The following ZFAND3 variants were observed in gnomAD, a reference collection of about 807,000 sequenced individuals.
ZFAND3 encodes the protein zinc finger AN1-type containing 3, also known as AN1-type zinc finger protein 3.
A neutral mutation model predicts 29.6 loss-of-function variants in ZFAND3; 10 were observed. That is an observed-to-expected ratio of 0.34 (90% CI 0.21 to 0.57). ZFAND3 has a LOEUF of 0.57. ZFAND3 is among the 20% of genes least tolerant of loss of function. The pLI is 0.86. For synonymous variants in ZFAND3, 128 were observed against 112.6 expected, an observed-to-expected ratio of 1.14 and a Z score of -0.87; for missense variants, 230 against 304.5, an observed-to-expected ratio of 0.76 and a Z score of 1.82.
chr6:37,925,321 A>G (rs1761463239), intron 1 of ZFAND3, among the ~76,000 whole-genome samples: 1 of 152,174 alleles, frequency 6.6e-6, no homozygotes, highest in African/African-American at 2.4e-5. Flanking sequence ...GAAGGAGAGG[A>G]ATACATAGAT....
chr6:37,884,494 CAAAAAAAAAAAAA>C (rs58015486), intron 1 of ZFAND3, among the ~76,000 whole-genome samples: 1 of 53,844 alleles, frequency 1.9e-5, no homozygotes. Context: ...AACTCTAGCT[CAAAAAAAAAAAAA>C]AAAAAAAAAA....
At chr6:38,120,399 C>G (rs1297145090) in intron 5 of ZFAND3, among the ~76,000 whole-genome samples, 1 of 135,704 alleles carries the variant, frequency 7.4e-6, no homozygotes, top group Non-Finnish European at 1.5e-5. Flanking sequence ...GATCTCAGCT[C>G]ACTGCAACCT....
At chr6:37,987,956 G>A (rs1262795228) in intron 2 of ZFAND3, among the ~76,000 whole-genome samples, 1 of 152,128 alleles carries the variant, frequency 6.6e-6, no homozygotes, top group East Asian at 1.9e-4. Flanking sequence ...TAAATTCTGA[G>A]TTTCTCAGGC....
intron 1 of ZFAND3, among the ~76,000 whole-genome samples, chr6:37,889,362 A>G (rs1460241579): frequency 1.3e-5 from 2 of 152,196 alleles, no homozygotes; most frequent in African/African-American, 4.8e-5. Context: ...CCACATCATC[A>G]ATTGTGTGCC....
intron 2 of ZFAND3, among the ~76,000 whole-genome samples, chr6:38,059,735 G>A (rs990171997): frequency 6.6e-6 from 1 of 151,970 alleles, no homozygotes; most frequent in African/African-American, 2.4e-5. Context: ...AAATTAGCCG[G>A]GTGTGGTGGT....
At chr6:37,964,276 C>T (rs1762252985) in intron 2 of ZFAND3, among the ~76,000 whole-genome samples, 1 of 152,128 alleles carries the variant, frequency 6.6e-6, no homozygotes, top group Non-Finnish European at 1.5e-5. Flanking sequence ...TATCACATGA[C>T]TACCCTACCA....
intron 1 of ZFAND3, among the ~76,000 whole-genome samples, chr6:37,846,714 T>G (rs552754875): frequency 1.0e-3 from 156 of 151,838 alleles, no homozygotes; most frequent in East Asian, 2.1e-3. Context: ...ATTTTTTTTT[T>G]TTTGTTTTTT....
chr6:38,122,369 G>C (rs562865316), intron 5 of ZFAND3, among the ~76,000 whole-genome samples: 4 of 152,212 alleles, frequency 2.6e-5, no homozygotes, highest in Non-Finnish European at 5.9e-5. Flanking sequence ...GAAAAAACCT[G>C]TGTCAGTGCA....
chr6:38,116,578 A>T lies in ZFAND3; in HGVS notation c.368A>T (p.Gln123Leu). ...AATATGTTGTTTTGGTCAGATTCAC[A>T]GTCTGAGAATGAGGCTTCACCAGTA... ...PTKRSCGTDSQSENEASPVKR... is the reference protein window; with the variant it reads ...PTKRSCGTDSLSENEASPVKR... Residue 123 changes from glutamine to leucine, a missense_variant, in exon 5 of 6, where the codon CAG becomes CTG. Gln to Leu is a moderately radical substitution (Grantham distance 113, BLOSUM62 -2). Transcript: ENST00000287218. The T allele has an allele frequency of 6.2e-7, 1 of 1,609,770 alleles. No homozygotes were observed. The highest frequency in any genetic ancestry group is 8.5e-7 in the Non-Finnish European group (1 of 1,176,524).
At chr6:37,853,946 T>TA (rs369282189) in intron 1 of ZFAND3, among the ~76,000 whole-genome samples, 3,627 of 152,204 alleles carry the variant, frequency 0.024, 164 homozygotes, top group African/African-American at 0.081. Flanking sequence ...TTTGCCTTTT[T>TA]AAAAAATTTT....
rs540678525 is a variant in ZFAND3, at chr6:37,899,188, C to A, written c.72-30771C>A. 5.1e-4 allele frequency among the ~76,000 whole-genome samples: 78 copies of A among 152,322 alleles called. No individual in the cohort carries two copies. In the Middle Eastern group the frequency reaches 0.01, roughly 20 times the overall value. On this transcript the variant is annotated intron_variant, in intron 1 of 5. Coordinates refer to ENST00000287218, the MANE Select transcript of ZFAND3 (RefSeq NM_021943.3). ...TGCTGGGATTTACAGGCATGAGCCA[C>A]CACACCTGGCCATTCGTTTCTGATT...
chr6:38,000,156 A>C (rs1762920186), intron 2 of ZFAND3, among the ~76,000 whole-genome samples: 2 of 152,220 alleles, frequency 1.3e-5, no homozygotes, highest in South Asian at 4.1e-4. Context: ...ATACCAAACA[A>C]ACCAAAAAAC....
intron 1 of ZFAND3, among the ~76,000 whole-genome samples, chr6:37,927,765 C>G (rs1422292431): frequency 6.6e-6 from 1 of 152,216 alleles, no homozygotes; most frequent in Non-Finnish European, 1.5e-5. Context: ...CATAGACATT[C>G]TCACAAACCA....
At chr6:38,007,658 A>G (rs993205705) in intron 2 of ZFAND3, among the ~76,000 whole-genome samples, 3 of 152,220 alleles carry the variant, frequency 2.0e-5, no homozygotes, top group South Asian at 2.1e-4. Context: ...ATTTAAAACT[A>G]TGGTATTAGC....
intron 4 of ZFAND3, among the ~76,000 whole-genome samples, chr6:38,100,443 A>G (rs981797914): frequency 6.6e-6 from 1 of 152,196 alleles, no homozygotes; most frequent in Non-Finnish European, 1.5e-5. Context: ...TGCAGTAATT[A>G]ATGCAATGAA....
chr6:38,103,014 C>T lies in ZFAND3; in HGVS notation c.362-13558C>T, dbSNP rs57537146. 0.017 allele frequency among the ~76,000 whole-genome samples: 2,577 copies of T among 152,228 alleles called. 250 individuals carry two copies. The East Asian group carries it at 0.28, about 17-fold the overall frequency. The stretch of plus-strand genomic sequence containing the variant: ...TCAGGTGATCCACCTGCTGCGGCTT[C>T]CCAAAGTGCTGGGATTATAGGCGTG... On this transcript the variant is annotated intron_variant, in intron 4 of 5. Coordinates refer to ENST00000287218, the MANE Select transcript of ZFAND3 (RefSeq NM_021943.3).
intron 2 of ZFAND3, among the ~76,000 whole-genome samples, chr6:37,978,498 T>C (rs73421444): frequency 2.0e-5 from 3 of 152,156 alleles, no homozygotes; most frequent in Non-Finnish European, 4.4e-5. Context: ...GGGGTTTGTT[T>C]AGAGTTGCTG....
At chr6:37,896,578 C>CTTTTCTT (rs772841805) in intron 1 of ZFAND3, among the ~76,000 whole-genome samples, 1 of 76,112 alleles carries the variant, frequency 1.3e-5, no homozygotes, top group African/African-American at 6.2e-5. Flanking sequence ...TTCTCTCTTT[C>CTTTTCTT]TCTCTCTTTC....
At chr6:38,053,999 CATAGG>C (rs1397400131) in intron 2 of ZFAND3, among the ~76,000 whole-genome samples, 2 of 151,140 alleles carry the variant, frequency 1.3e-5, no homozygotes, top group Non-Finnish European at 2.9e-5. Flanking sequence ...AAATAGGGAA[CATAGG>C]ATAGGAGTCA....
Sources: allele counts gnomAD v4.1 joint callset (sites outside exome capture counted in the v4.1 genomes callset), GRCh38; gene constraint gnomAD v4.1.1; transcripts MANE v1.5; gene names NCBI Gene and HGNC (gene_info 2026-07-23, HGNC 2026-07-21).